JAKMIP3: variants seen among roughly 807,000 people sequenced by gnomAD.
The protein encoded by JAKMIP3 is Janus kinase and microtubule interacting protein 3, also known as janus kinase and microtubule-interacting protein 3.
Under a neutral mutation model 118.5 loss-of-function variants are expected in JAKMIP3, and 58 were observed. That is an observed-to-expected ratio of 0.49 (90% CI 0.40 to 0.61). JAKMIP3 has a LOEUF of 0.61. JAKMIP3 is among the 20% of genes least tolerant of loss of function. The pLI is 0.00. For synonymous variants in JAKMIP3, 486 were observed against 451.2 expected (o/e 1.08, Z -0.98); for missense variants, 950 against 1,109.0 (o/e 0.86, Z 2.04).
chr10:132,178,980 TG>T (rs2060442742), intron 23 of JAKMIP3, among the ~76,000 whole-genome samples: 1 of 152,236 alleles, frequency 6.6e-6, no homozygotes, highest in African/African-American at 2.4e-5. Flanking sequence ...ATGAGGGTTC[TG>T]CCCTGCAGCT....
chr10:132,149,476 C>G lies in JAKMIP3; in HGVS notation c.1913C>G (p.Pro638Arg). 6.2e-7 allele frequency: 1 copy of G among 1,604,514 alleles called. No individual in the cohort carries two copies. Among genetic ancestry groups the G allele is most frequent in the Non-Finnish European group, 8.5e-7 (1 of 1,176,764 alleles). ...HHTPFVDGKSPLQVYCEAEGV... is the reference protein window; with the variant it reads ...HHTPFVDGKSRLQVYCEAEGV... Reference sequence around the variant, plus strand: ...ACGCCCTTCGTGGACGGGAAGAGCCCCCTCCAGGTGTACTGCGAGGCCGAA... The same window carrying G: ...ACGCCCTTCGTGGACGGGAAGAGCCGCCTCCAGGTGTACTGCGAGGCCGAA... Residue 638 changes from proline (P) to arginine (R), a missense_variant, in exon 15 of 24, where the codon CCC becomes CGC. Pro to Arg is a moderately radical substitution (Grantham distance 103). Coordinates refer to ENST00000684848, the MANE Select transcript of JAKMIP3 (RefSeq NM_001323087.2).
intron 23 of JAKMIP3, among the ~76,000 whole-genome samples, chr10:132,177,406 T>G (rs2060241417): frequency 6.6e-6 from 1 of 152,050 alleles, no homozygotes; most frequent in South Asian, 2.1e-4. Flanking sequence ...AGTGTGCCTG[T>G]GCATTTGGTC....
At chr10:132,150,728 C>CCGTCCTCCATAATCCATG (rs2055979344) in intron 16 of JAKMIP3, among the ~76,000 whole-genome samples, 3 of 149,664 alleles carry the variant, frequency 2.0e-5, no homozygotes, top group South Asian at 2.2e-4. Context: ...CATAATCCAT[C>CCGTCCTCCATAATCCATG]TATCCGTCCT....
intron 1 of JAKMIP3, among the ~76,000 whole-genome samples, chr10:132,088,006 C>T (rs2042615524): frequency 6.6e-6 from 1 of 152,036 alleles, no homozygotes; most frequent in Non-Finnish European, 1.5e-5. Context: ...TGGTTTCCAG[C>T]TTCATCCATG....
intron 1 of JAKMIP3, among the ~76,000 whole-genome samples, chr10:132,096,526 T>G (rs2043883375): frequency 1.3e-5 from 2 of 152,220 alleles, no homozygotes; most frequent in African/African-American, 4.8e-5. Context: ...GGAAGTGCAC[T>G]CGCAAATTTT....
At chr10:132,169,338 C>A (rs1000279990) in intron 23 of JAKMIP3, among the ~76,000 whole-genome samples, 3 of 152,156 alleles carry the variant, frequency 2.0e-5, no homozygotes. Flanking sequence ...AGGGAGAAAC[C>A]CCGTAGGTGC....
At chr10:132,180,530 T>TGTGTGTGTGTGTGTGTGTGTGTGTGTGC (rs776553583) in intron 23 of JAKMIP3, among the ~76,000 whole-genome samples, 2 of 31,952 alleles carry the variant, frequency 6.3e-5, no homozygotes, top group Non-Finnish European at 1.1e-4. Flanking sequence ...GAACTGTGTG[T>TGTGTGTGTGTGTGTGTGTGTGTGTGTGC]GTGTGTGTGT....
chr10:132,136,927 G>T, intron 6 of JAKMIP3, 92 bp from the exon 7 acceptor site: 2 of 1,420,784 alleles, frequency 1.4e-6, no homozygotes, highest in South Asian at 2.8e-5. Context: ...GTGGCAGCCC[G>T]GGTTGAGGGA....
chr10:132,100,102 G>A (rs1239141936), intron 1 of JAKMIP3, among the ~76,000 whole-genome samples: 1 of 152,138 alleles, frequency 6.6e-6, no homozygotes, highest in African/African-American at 2.4e-5. Context: ...GGCTCCCCAG[G>A]GCAGATGCAG....
intron 3 of JAKMIP3, among the ~76,000 whole-genome samples, chr10:132,130,766 G>A (rs998427093): frequency 3.9e-5 from 6 of 152,172 alleles, no homozygotes; most frequent in Non-Finnish European, 8.8e-5. Context: ...GTGGCGAGAC[G>A]CATGTGTGCA....
Position 132,180,710 on chromosome 10 carries a change from CGTGTGTGTGCGT to C in JAKMIP3, c.*1104-1639_*1104-1628del, listed in dbSNP as rs1267059184. ...GTGTGTGCGTGCGTGTGTGTGTGCG[CGTGTGTGTGCGT>C]GTGTGTGCGTGTGTGCGTGCGTGCG... On this transcript the variant is annotated intron_variant, in intron 23 of 23. Coordinates refer to ENST00000684848, the MANE Select transcript of JAKMIP3 (RefSeq NM_001323087.2). 1.5e-3 allele frequency among the ~76,000 whole-genome samples: 14 copies of C among 9,470 alleles called. 5 individuals are homozygous for C. The highest frequency in any genetic ancestry group is 2.5e-3 in the Admixed American group (2 of 802). 6.2% of individuals were successfully genotyped at this position (9,470 alleles called of 152,430 possible).
Position 132,145,020 on chromosome 10 carries a change from C to T in JAKMIP3, c.1603-87C>T, listed in dbSNP as rs2054322578. On this transcript the variant is annotated intron_variant, in intron 11 of 23. Transcript: ENST00000684848. ...CTTCTCAATGAACTGAACCAAAAGA[C>T]AGACCCTTCTGACGTCCCACGAGTG... 9.2e-6 allele frequency: 10 copies of T among 1,087,286 alleles called. No homozygotes were observed. The East Asian group carries it at 2.6e-4, about 28-fold the overall frequency. 67.4% of individuals were successfully genotyped at this position (1,087,286 alleles called of 1,614,324 possible).
intron 1 of JAKMIP3, among the ~76,000 whole-genome samples, chr10:132,038,550 A>C (rs547360380): frequency 1.1e-3 from 163 of 152,320 alleles, no homozygotes; most frequent in African/African-American, 3.8e-3. Context: ...GAATCCCAGC[A>C]CTTTGGGAGG....
At chr10:132,076,315 C>CT (rs2040778501) in intron 1 of JAKMIP3, among the ~76,000 whole-genome samples, 1 of 152,244 alleles carries the variant, frequency 6.6e-6, no homozygotes, top group South Asian at 2.1e-4. Flanking sequence ...CCGAGTTCAT[C>CT]TGTGTTGTCA....
rs1554962739 is a variant in JAKMIP3, at chr10:132,180,542, T to TGC, written c.*1104-1814_*1104-1813insCG. 2.8e-4 allele frequency among the ~76,000 whole-genome samples: 9 copies of TGC among 31,794 alleles called. 4 individuals are homozygous for TGC. Among genetic ancestry groups the TGC allele is most frequent in the African/African-American group, 1.2e-3 (5 of 4,316 alleles). The allele number at this position is 31,794 out of a possible 152,430, so 20.9% of individuals were successfully genotyped here. A position where few individuals can be genotyped will look rare whatever the true frequency, so the allele number is the denominator to read the frequency against. ...GCAGAACTGTGTGTGTGTGTGTGTG[T>TGC]GTGCGTGCGTGCATGCGTGTGTGTG... On this transcript the variant is annotated intron_variant, in intron 23 of 23. Coordinates refer to ENST00000684848, the MANE Select transcript of JAKMIP3 (RefSeq NM_001323087.2).
chr10:132,064,346 T>G (rs1349848977), upstream of JAKMIP3, among the ~76,000 whole-genome samples: 1 of 152,134 alleles, frequency 6.6e-6, no homozygotes. The surrounding 1 kb of genome is among the most constrained non-coding windows in gnomAD (Gnocchi z 4.4). Flanking sequence ...GGAGGACAGC[T>G]GGGCTGAGGG....
At chr10:132,080,404 C>T (rs1463938066) in intron 1 of JAKMIP3, among the ~76,000 whole-genome samples, 1 of 148,586 alleles carries the variant, frequency 6.7e-6, no homozygotes, top group Admixed American at 6.8e-5. Flanking sequence ...TTTTTATGTG[C>T]TTATTGGCCA....
chr10:132,124,883 T>A (rs1390902791), intron 3 of JAKMIP3, among the ~76,000 whole-genome samples: 1 of 152,238 alleles, frequency 6.6e-6, no homozygotes, highest in Non-Finnish European at 1.5e-5. Flanking sequence ...AGTATTGCCA[T>A]TTCTTTAGGA....
At chr10:132,124,278 C>T (rs79171312) in intron 3 of JAKMIP3, among the ~76,000 whole-genome samples, 3,253 of 152,290 alleles carry the variant, frequency 0.021, 119 homozygotes, top group African/African-American at 0.074. Flanking sequence ...CATTGCCACG[C>T]GGTCGCCCGT....
Sources: allele counts gnomAD v4.1 joint callset (sites outside exome capture counted in the v4.1 genomes callset), GRCh38; gene constraint gnomAD v4.1.1; non-coding constraint Gnocchi (gnomAD v3.1); transcripts MANE v1.5; gene names NCBI Gene and HGNC (gene_info 2026-07-23, HGNC 2026-07-21).